THADA: variants seen among roughly 807,000 people sequenced by gnomAD.
THADA encodes the protein tRNA (32-2'-O)-methyltransferase regulator THADA.
Under a neutral mutation model 219.8 loss-of-function variants are expected in THADA, and 213 were observed. That is an observed-to-expected ratio of 0.97 (90% CI 0.87 to 1.09). THADA has a LOEUF of 1.09. Among genes scored for constraint, THADA ranks in the 50% least tolerant of loss-of-function variants. The pLI is 0.00. For missense variants in THADA, 2,956 were observed against 2,311.3 expected, an observed-to-expected ratio of 1.28 and a Z score of -5.72; for synonymous variants, 1,018 against 828.9, an observed-to-expected ratio of 1.23 and a Z score of -3.92.
intron 30 of THADA, among the ~76,000 whole-genome samples, chr2:43,322,063 T>C (rs1190942513): frequency 6.6e-6 from 1 of 151,680 alleles, no homozygotes; most frequent in Non-Finnish European, 1.5e-5. Flanking sequence ...TGAGACAGAG[T>C]CTCGCTCTGT....
At chr2:43,373,022 A>C (rs918203177) in intron 29 of THADA, among the ~76,000 whole-genome samples, 5 of 152,102 alleles carry the variant, frequency 3.3e-5, no homozygotes, top group Admixed American at 6.6e-5. Context: ...TCTCCATTGG[A>C]ATACCCCCCC....
At chr2:43,297,722 G>A (rs1454015760) in intron 31 of THADA, among the ~76,000 whole-genome samples, 1 of 121,024 alleles carries the variant, frequency 8.3e-6, no homozygotes, top group Admixed American at 7.5e-5. Flanking sequence ...CGGGAGGGAG[G>A]TGGGGGGGTC....
Position 43,304,835 on chromosome 2 carries a change from CTAATTTT to C in THADA, c.4439-11629_4439-11623del, listed in dbSNP as rs1676673041. On this transcript the variant is annotated intron_variant, in intron 31 of 37. Coordinates refer to ENST00000405975, the MANE Select transcript of THADA (RefSeq NM_022065.5). ...TACAGGCGCCAGCCATCAAGCCTGG[CTAATTTT>C]TGTATTTTTAGTAGAGACAGGGTTT... Among the ~76,000 whole-genome samples, 3 of 152,132 alleles carry C rather than the reference CTAATTTT, an allele frequency of 2.0e-5. No individual in the cohort carries two copies. The South Asian group carries it at 6.2e-4, about 32-fold the overall frequency.
chr2:43,260,640 T>C (rs967687316), intron 36 of THADA, among the ~76,000 whole-genome samples: 2 of 152,220 alleles, frequency 1.3e-5, no homozygotes, highest in African/African-American at 4.8e-5. Flanking sequence ...TGTGTTGTCA[T>C]TGGCATAACG....
chr2:43,508,013 C>T (rs1427971354), intron 23 of THADA, among the ~76,000 whole-genome samples: 3 of 151,990 alleles, frequency 2.0e-5, no homozygotes, highest in East Asian at 1.9e-4. Flanking sequence ...CAGAGAGGTT[C>T]GGGAGTCAGG....
intron 22 of THADA, among the ~76,000 whole-genome samples, chr2:43,516,638 T>G (rs1691759107): frequency 6.6e-6 from 1 of 152,140 alleles, no homozygotes; most frequent in Non-Finnish European, 1.5e-5. Context: ...CTAAATAATT[T>G]GCTCAAGGTT....
chr2:43,278,697 A>G (rs1246122038), intron 36 of THADA, among the ~76,000 whole-genome samples: 3 of 152,152 alleles, frequency 2.0e-5, no homozygotes, highest in Non-Finnish European at 4.4e-5. Context: ...ATAGGCAGAG[A>G]AGTGTACACA....
intron 3 of THADA, among the ~76,000 whole-genome samples, chr2:43,591,159 C>CA (rs1053705597): frequency 1.3e-5 from 2 of 151,620 alleles, no homozygotes; most frequent in African/African-American, 4.9e-5. Flanking sequence ...CCTGTCTCTA[C>CA]AAAAAAATAC....
chr2:43,459,989 A>C (rs992058222), intron 26 of THADA, among the ~76,000 whole-genome samples: 4 of 152,108 alleles, frequency 2.6e-5, no homozygotes, highest in African/African-American at 9.7e-5. Context: ...AAAACACATA[A>C]AATTAAAAGA....
chr2:43,245,972 A>G (rs541379765), intron 36 of THADA, among the ~76,000 whole-genome samples: 5 of 152,122 alleles, frequency 3.3e-5, no homozygotes, highest in African/African-American at 1.2e-4. Flanking sequence ...CAGAATATAG[A>G]AAGTTCCCTT....
intron 28 of THADA, among the ~76,000 whole-genome samples, 191 bp downstream of exon 28, chr2:43,427,909 T>G (rs1303637283): frequency 1.3e-5 from 2 of 149,344 alleles, no homozygotes; most frequent in African/African-American, 4.9e-5. Context: ...TGAGCCGAGA[T>G]CGCGCCACTG....
intron 35 of THADA, among the ~76,000 whole-genome samples, chr2:43,285,831 G>A (rs552417196): frequency 6.6e-6 from 1 of 152,186 alleles, no homozygotes; most frequent in Admixed American, 6.5e-5. Context: ...GATTACAGAC[G>A]TGAGCCACTG....
intron 13 of THADA, 33 bp from the exon 14 acceptor site, chr2:43,570,543 G>A (rs368395853): frequency 7.5e-5 from 119 of 1,583,032 alleles, no homozygotes; most frequent in Non-Finnish European, 9.8e-5. Flanking sequence ...GCACAGGTGA[G>A]CCACACATTA....
chr2:43,524,049 G>A (rs1198687005), intron 22 of THADA, among the ~76,000 whole-genome samples: 3 of 152,100 alleles, frequency 2.0e-5, no homozygotes, highest in Non-Finnish European at 4.4e-5. Context: ...TGAATTTAGA[G>A]TTTTATGACA....
chr2:43,402,027 T>C (rs1225851435), intron 28 of THADA, among the ~76,000 whole-genome samples: 1 of 152,152 alleles, frequency 6.6e-6, no homozygotes, highest in African/African-American at 2.4e-5. Context: ...AGGAATATAT[T>C]TATGAACATA....
intron 36 of THADA, among the ~76,000 whole-genome samples, chr2:43,258,053 A>C (rs1670524653): frequency 6.6e-6 from 1 of 152,074 alleles, no homozygotes; most frequent in Admixed American, 6.5e-5. Flanking sequence ...ACTGCTCTTG[A>C]TCCTCACACT....
rs576229464 is a variant in THADA, at chr2:43,556,608, A to T, written c.2464-53T>A. 2,139 of 1,525,940 alleles carry T rather than the reference A, an allele frequency of 1.4e-3. 3 individuals are homozygous for T. Among genetic ancestry groups the T allele is most frequent in the Non-Finnish European group, 1.6e-3 (1,771 of 1,122,012 alleles). 94.5% of individuals were successfully genotyped at this position (1,525,940 alleles called of 1,614,324 possible). On this transcript the variant is annotated intron_variant, in intron 16 of 37. Transcript: ENST00000405975. ...GTCAAATTAAAGATCTCTTTAATTT[A>T]AAAAAATAGTAAATTTTTTAAAACA...
intron 32 of THADA, 109 bp from the exon 33 acceptor site, chr2:43,292,331 G>C: frequency 2.9e-6 from 2 of 679,508 alleles, no homozygotes; most frequent in South Asian, 4.7e-5. Flanking sequence ...CCTTTCAAAA[G>C]GCTCCCACTG....
chr2:43,367,978 C>T (rs946915665), intron 29 of THADA, among the ~76,000 whole-genome samples: 4 of 151,920 alleles, frequency 2.6e-5, no homozygotes, highest in Admixed American at 6.6e-5. Context: ...ATTAGCCAGG[C>T]GTGGTGGCAA....
Sources: gnomAD v4.1 joint callset for allele counts (sites outside exome capture counted in the v4.1 genomes callset) on GRCh38, gnomAD v4.1.1 for gene constraint, MANE v1.5 for transcripts, NCBI Gene and HGNC (gene_info 2026-07-23, HGNC 2026-07-21) for gene names.